The following ZNF804A variants were observed in gnomAD, a reference collection of about 807,000 sequenced individuals.
The protein encoded by ZNF804A is zinc finger protein 804A.
Under a neutral mutation model 16.5 loss-of-function variants are expected in ZNF804A, and 2 were observed. That is an observed-to-expected ratio of 0.12 (90% CI 0.05 to 0.38). The LOEUF is 0.38. Among genes scored for constraint, ZNF804A ranks in the 10% least tolerant of loss-of-function variants. The pLI, the probability that ZNF804A is intolerant of heterozygous loss-of-function variation, is 0.99. For missense variants in ZNF804A, 1,473 were observed against 1,390.7 expected (o/e 1.06, Z -0.94); for synonymous variants, 534 against 489.6 (o/e 1.09, Z -1.20).
chr2:184,642,022 GCA>G (rs200608486), intron 1 of ZNF804A, among the ~76,000 whole-genome samples: 2 of 151,398 alleles, frequency 1.3e-5, no homozygotes, highest in Admixed American at 6.6e-5. Context: ...TTCTCATCAA[GCA>G]CACACACACA....
intron 1 of ZNF804A, among the ~76,000 whole-genome samples, chr2:184,707,426 A>G (rs1005483560): frequency 6.6e-6 from 1 of 152,068 alleles, no homozygotes; most frequent in Non-Finnish European, 1.5e-5. Context: ...CAGTAGGTAG[A>G]TTTTCAAAGC....
chr2:184,638,108 T>C (rs1251714061), intron 1 of ZNF804A, among the ~76,000 whole-genome samples: 1 of 152,206 alleles, frequency 6.6e-6, no homozygotes, highest in African/African-American at 2.4e-5. Context: ...TGCTGTAAAA[T>C]GTTCTCTGAT....
At chr2:184,632,671 C>T (rs1246443809) in intron 1 of ZNF804A, among the ~76,000 whole-genome samples, 1 of 152,196 alleles carries the variant, frequency 6.6e-6, no homozygotes, top group African/African-American at 2.4e-5. Flanking sequence ...AGCCACCTTG[C>T]CCAGTCCTAC....
chr2:184,767,479 A>G (rs879545834), intron 1 of ZNF804A, among the ~76,000 whole-genome samples: 22 of 152,240 alleles, frequency 1.4e-4, no homozygotes, highest in Non-Finnish European at 3.1e-4. Flanking sequence ...ATGGGTATAG[A>G]GTTTCAGTTT....
intron 2 of ZNF804A, 132 bp from the exon 3 acceptor site, chr2:184,933,471 G>T: frequency 1.3e-6 from 1 of 777,884 alleles, no homozygotes; most frequent in South Asian, 2.3e-5. Context: ...GAAGTGGATT[G>T]TCATGAATGT....
At chr2:184,906,492 G>C (rs1340065942) in intron 2 of ZNF804A, among the ~76,000 whole-genome samples, 1 of 151,984 alleles carries the variant, frequency 6.6e-6, no homozygotes, top group African/African-American at 2.4e-5. Context: ...GTAGAGATGG[G>C]GTTTCGCCAT....
At chr2:184,664,749 G>A (rs1434848145) in intron 1 of ZNF804A, among the ~76,000 whole-genome samples, 1 of 152,036 alleles carries the variant, frequency 6.6e-6, no homozygotes. Flanking sequence ...AAAGTGTTTG[G>A]GACAGAGGGA....
At chr2:184,681,702 C>A (rs548057532) in intron 1 of ZNF804A, among the ~76,000 whole-genome samples, 1 of 152,154 alleles carries the variant, frequency 6.6e-6, no homozygotes, top group African/African-American at 2.4e-5. Context: ...AAGTGCAGCC[C>A]GGACTGTGCA....
intron 1 of ZNF804A, among the ~76,000 whole-genome samples, chr2:184,767,337 T>C (rs958671959): frequency 3.3e-5 from 5 of 152,214 alleles, no homozygotes; most frequent in African/African-American, 1.2e-4. Flanking sequence ...GTTAGTGAAA[T>C]AAGCCGGAAA....
intron 2 of ZNF804A, among the ~76,000 whole-genome samples, chr2:184,925,832 A>G (rs191270161): frequency 6.6e-6 from 1 of 152,140 alleles, no homozygotes; most frequent in Admixed American, 6.6e-5. Flanking sequence ...CAAAAATAAA[A>G]CTAATAAGAA....
intron 1 of ZNF804A, among the ~76,000 whole-genome samples, chr2:184,842,460 A>G (rs2105800383): frequency 6.6e-6 from 1 of 151,838 alleles, no homozygotes. Context: ...TTTGAGAACT[A>G]TTATTTTACC....
chr2:184,741,167 AT>A (rs1164732015), intron 1 of ZNF804A, among the ~76,000 whole-genome samples: 2 of 152,170 alleles, frequency 1.3e-5, no homozygotes, highest in Non-Finnish European at 2.9e-5. Context: ...ACTAGAATTC[AT>A]TGAATTCACT....
At position 184,858,522 on chromosome 2, in the gene ZNF804A, TAAC is replaced by T. The variant is rs576450173; in HGVS notation, c.112-7840_112-7838del. Among the ~76,000 whole-genome samples, 541 of 151,118 alleles carry T rather than the reference TAAC, an allele frequency of 3.6e-3. 3 individuals carry two copies. The highest frequency in any genetic ancestry group is 0.013 in the African/African-American group (517 of 41,268). On this transcript the variant is annotated intron_variant, in intron 1 of 3. Transcript: ENST00000302277. ...CTGTCTCAAAAAAAAAAAAAAAAGA[TAAC>T]AACAACTTAAATTTGAGAGCATTAA...
At chr2:184,670,162 T>C (rs1471498955) in intron 1 of ZNF804A, among the ~76,000 whole-genome samples, 1 of 152,088 alleles carries the variant, frequency 6.6e-6, no homozygotes, top group African/African-American at 2.4e-5. Context: ...TGCTATTCCT[T>C]TCTATATAAA....
intron 1 of ZNF804A, among the ~76,000 whole-genome samples, chr2:184,617,126 GTAGTTA>G (rs1000109758): frequency 2.0e-5 from 3 of 152,032 alleles, no homozygotes; most frequent in Admixed American, 1.3e-4. Flanking sequence ...TGAAAAAACT[GTAGTTA>G]TAGTTAAAGG....
intron 1 of ZNF804A, among the ~76,000 whole-genome samples, chr2:184,712,963 G>A (rs564139151): frequency 2.0e-5 from 3 of 151,660 alleles, no homozygotes; most frequent in South Asian, 2.1e-4. Context: ...AACTCACTGA[G>A]CTTCTTTAAA....
chr2:184,618,320 G>A (rs573272528), intron 1 of ZNF804A, among the ~76,000 whole-genome samples: 1 of 152,198 alleles, frequency 6.6e-6, no homozygotes, highest in South Asian at 2.1e-4. Context: ...TACCAAAAAA[G>A]TTTTCAGCAA....
intron 1 of ZNF804A, among the ~76,000 whole-genome samples, chr2:184,600,264 C>A (rs560670430): frequency 6.6e-6 from 1 of 152,186 alleles, no homozygotes; most frequent in Non-Finnish European, 1.5e-5. Flanking sequence ...GAAAAGTTCT[C>A]ATCTAAAGTT....
Position 184,933,605 on chromosome 2 carries a change from G to A in ZNF804A, c.258G>A (p.Arg86=). The change falls in exon 3 of 4, where the codon AGG becomes AGA. Residue 86 remains arginine (R), a splice_region_variant and synonymous_variant. Coordinates refer to ENST00000302277, the MANE Select transcript of ZNF804A (RefSeq NM_194250.2). ...ATTTTCCAACTTTTTTTTAACAGAG[G>A]CTCAAGGAACTGAAACAAAGGGAAT... The part of the protein sequence containing the change: ...INSYDHAHKQ[R]LKELKQREFA... 6.3e-7 allele frequency: 1 copy of A among 1,588,558 alleles called. No homozygotes were observed.
Sources: allele counts gnomAD v4.1 joint callset (sites outside exome capture counted in the v4.1 genomes callset), GRCh38; gene constraint gnomAD v4.1.1; transcripts MANE v1.5; gene names NCBI Gene and HGNC (gene_info 2026-07-23, HGNC 2026-07-21).